Variants in INTS13 observed in about 807,000 individuals in gnomAD.
INTS13 encodes asunder, spermatogenesis regulator homolog (Drosphila).
INTS13 carries 35 observed loss-of-function variants against 90.2 expected under a neutral mutation model. The observed-to-expected ratio is 0.39, with a 90% confidence interval of 0.30 to 0.51. The LOEUF (loss-of-function observed/expected upper bound fraction) is 0.51, where lower values mean the gene tolerates loss of function less well. INTS13 is among the 20% of genes least tolerant of loss of function. The probability of loss-of-function intolerance (pLI) is 0.80; values close to 1 mark genes in which losing one functional copy is unlikely to be tolerated. For synonymous variants in INTS13, 309 were observed against 277.1 expected (o/e 1.11, Z -1.14); for missense variants, 601 against 851.2 (o/e 0.71, Z 3.66).
chr12:26,909,913 T>C (rs1174803998), intron 15 of INTS13, among the ~76,000 whole-genome samples: 1 of 152,096 alleles, frequency 6.6e-6, no homozygotes, highest in African/African-American at 2.4e-5. Context: ...TCTACTGCCT[T>C]AGGAGAGGCA....
chr12:26,928,943 T>C lies in INTS13; in HGVS notation c.301-38A>G, dbSNP rs1487905750. 6 of 1,558,376 alleles carry C rather than the reference T, an allele frequency of 3.9e-6. No homozygotes were observed. In the Admixed American group the frequency reaches 7.1e-5, roughly 18 times the overall value. Reference sequence around the variant, plus strand: ...GAAAACAATTATGTTGACAAGAGTATGTGCAATTCAGATAAAAATATCACA... The same window carrying C: ...GAAAACAATTATGTTGACAAGAGTACGTGCAATTCAGATAAAAATATCACA... On this transcript the variant is annotated intron_variant, in intron 3 of 16. Transcript: ENST00000261191.
chr12:26,926,614 T>A (rs1379203946), intron 5 of INTS13, among the ~76,000 whole-genome samples: 2 of 152,152 alleles, frequency 1.3e-5, no homozygotes, highest in Admixed American at 1.3e-4. Flanking sequence ...TGTGACACAA[T>A]CACAAATATA....
chr12:26,936,597 T>C lies in INTS13; in HGVS notation c.207A>G (p.Ile69Met). Residue 69 changes from isoleucine (I) to methionine (M), a missense_variant, in exon 2 of 17, where the codon ATA becomes ATG. Physicochemically the swap from Ile to Met is conservative, Grantham distance 10. This residue lies in a region of INTS13 where 284 missense variants were observed against 387.7 expected (regional missense o/e 0.73). Coordinates refer to ENST00000261191, the MANE Select transcript of INTS13 (RefSeq NM_018164.3). Reference sequence around the variant, plus strand: ...CACTCACCAGCTTTTTGAAAGGAAATATATCATACATTATTCTACAATATT... The same window carrying C: ...CACTCACCAGCTTTTTGAAAGGAAACATATCATACATTATTCTACAATATT... ...SMEYCRIMYD[I>M]FPFKKLVNFI... The C allele has an allele frequency of 6.2e-7, 1 of 1,610,138 alleles. No homozygotes were observed. The highest frequency in any genetic ancestry group is 2.2e-5 in the East Asian group (1 of 44,836).
chr12:26,905,775 TTTTG>T (rs993377929), intron 16 of INTS13, among the ~76,000 whole-genome samples: 12 of 152,150 alleles, frequency 7.9e-5, no homozygotes, highest in African/African-American at 1.9e-4. Context: ...GGCCACTGTT[TTTTG>T]TTTGTTTGTT....
intron 8 of INTS13, among the ~76,000 whole-genome samples, chr12:26,919,568 A>T (rs1952046424): frequency 6.6e-6 from 1 of 152,192 alleles, no homozygotes; most frequent in South Asian, 2.1e-4. Flanking sequence ...TGGATTAGGG[A>T]AATGTTATTG....
At position 26,913,970 on chromosome 12, in the gene INTS13, G is replaced by GT. The variant is rs766525545; in HGVS notation, c.1574+3dup. On this transcript the variant is annotated splice_donor_region_variant and intron_variant, in intron 13 of 16. Transcript: ENST00000261191. ...TATAAAGTAAGAAAGAAAAAAAAAT[G>GT]TACCTTTTAGGGCCCTTTCCTCTTG... The GT allele has an allele frequency of 6.3e-7, 1 of 1,594,358 alleles. No individual in the cohort carries two copies. The highest frequency in any genetic ancestry group is 1.2e-5 in the South Asian group (1 of 86,088).
intron 2 of INTS13, 87 bp downstream of exon 2, chr12:26,936,492 A>G: frequency 1.0e-6 from 1 of 969,264 alleles, no homozygotes; most frequent in South Asian, 1.6e-5. Context: ...ACACACAGTC[A>G]TTATCTATAG....
intron 7 of INTS13, among the ~76,000 whole-genome samples, chr12:26,923,958 TAA>T (rs1937723237): frequency 6.6e-6 from 1 of 152,172 alleles, no homozygotes; most frequent in African/African-American, 2.4e-5. Flanking sequence ...CATTTTTTTT[TAA>T]GAGAGCTCAC....
At position 26,914,017 on chromosome 12, in the gene INTS13, G is replaced by A; in HGVS notation, c.1531C>T (p.Leu511=). The change falls in exon 13 of 17, where the codon CTA becomes TTA. Residue 511 remains leucine, a synonymous_variant. Coordinates refer to ENST00000261191, the MANE Select transcript of INTS13 (RefSeq NM_018164.3). ...CTTGTACCAACTGTGGAAATAGGTA[G>A]AGGATCATTTTTTCTTTCCATATCA... ...LVDMERKNDP[L]PISTVGTRGK... 1.2e-6 allele frequency: 2 copies of A among 1,611,240 alleles called. No individual in the cohort carries two copies. The highest frequency in any genetic ancestry group is 1.7e-6 in the Non-Finnish European group (2 of 1,179,224).
chr12:26,920,692 C>T (rs1013384990), intron 8 of INTS13, among the ~76,000 whole-genome samples: 1 of 152,002 alleles, frequency 6.6e-6, no homozygotes, highest in Non-Finnish European at 1.5e-5. Context: ...TGCGCCTGGC[C>T]CATTTTTGTA....
intron 15 of INTS13, among the ~76,000 whole-genome samples, chr12:26,909,732 C>T (rs1258849385): frequency 6.6e-6 from 1 of 152,198 alleles, no homozygotes; most frequent in East Asian, 1.9e-4. Context: ...TAGCAAATGC[C>T]TGAAAGGCAA....
At chr12:26,914,239 G>T in intron 12 of INTS13, 111 bp from the exon 13 acceptor site, 1 of 1,191,494 alleles carries the variant, frequency 8.4e-7, no homozygotes. Context: ...CATGGTGAAG[G>T]AATCTATAAC....
In INTS13 at chr12:26,906,372, C is replaced by T; in HGVS notation, c.2011G>A (p.Glu671Lys). ...ACAGAGTTCAAACGTCCAGCAAATT[C>T]CTGATGTTTTCTGGAATTGGCAGTA... ...INTANSRKHQ[E>K]FAGRLNSVNN... Residue 671 changes from glutamate (E) to lysine (K), a missense_variant, in exon 16 of 17, where the codon GAA becomes AAA. Coordinates refer to ENST00000261191, the MANE Select transcript of INTS13 (RefSeq NM_018164.3). 1 of 1,613,080 alleles carries T rather than the reference C, an allele frequency of 6.2e-7. No individual in the cohort carries two copies. The highest frequency in any genetic ancestry group is 1.7e-5 in the Admixed American group (1 of 59,982).
chr12:26,908,988 G>A (rs1430128314), intron 15 of INTS13, among the ~76,000 whole-genome samples: 7 of 152,172 alleles, frequency 4.6e-5, no homozygotes, highest in Non-Finnish European at 1.0e-4. Flanking sequence ...TGAGATCACA[G>A]TACATATGTT....
rs1951612376 is a variant in INTS13 at position 26,906,440 on chromosome 12, A to G, written c.1946-3T>C. 1 of 1,597,708 alleles carries G rather than the reference A, an allele frequency of 6.3e-7. No individual in the cohort carries two copies. The highest frequency in any genetic ancestry group is 1.4e-5 in the African/African-American group (1 of 73,962). On this transcript the variant is annotated splice_region_variant and splice_polypyrimidine_tract_variant and intron_variant, in intron 15 of 16. Coordinates refer to ENST00000261191, the MANE Select transcript of INTS13 (RefSeq NM_018164.3). ...CAAGGATAATAACGACACTGGCCCT[A>G]GTGTTATATTTAAAAGGAGAGAGAA...
chr12:26,921,230 T>C (rs150392368), intron 8 of INTS13, among the ~76,000 whole-genome samples: 41 of 152,224 alleles, frequency 2.7e-4, no homozygotes, highest in African/African-American at 8.7e-4. Flanking sequence ...GCCAATACAG[T>C]TGCAGAAATC....
intron 5 of INTS13, among the ~76,000 whole-genome samples, chr12:26,927,139 A>G (rs958031740): frequency 3.9e-5 from 6 of 152,250 alleles, no homozygotes; most frequent in African/African-American, 1.4e-4. Flanking sequence ...TATCCTTCAT[A>G]ATAAATCAGA....
chr12:26,919,115 T>C, intron 8 of INTS13: 1 of 287,936 alleles, frequency 3.5e-6, no homozygotes, highest in Non-Finnish European at 7.5e-6. Flanking sequence ...TGCAGTGAGC[T>C]ATGATCACAC....
intron 16 of INTS13, 62 bp from the exon 17 acceptor site, chr12:26,905,598 A>G (rs1409892338): frequency 1.4e-6 from 2 of 1,435,442 alleles, no homozygotes; most frequent in Non-Finnish European, 1.9e-6. Context: ...TTGTCTCCTT[A>G]TCTACCTTTC....
Sources: gnomAD v4.1 joint callset for allele counts (sites outside exome capture counted in the v4.1 genomes callset) on GRCh38, gnomAD v4.1.1 for gene constraint, gnomAD v4.1.1 regional missense constraint, MANE v1.5 for transcripts, NCBI Gene and HGNC (gene_info 2026-07-23, HGNC 2026-07-21) for gene names.